Variants in SHROOM1 observed in about 807,000 individuals in gnomAD.
SHROOM1 encodes protein Shroom1.
Under a neutral mutation model 64.2 loss-of-function variants are expected in SHROOM1, and 53 were observed. The observed-to-expected ratio is 0.83, with a 90% CI of 0.66 to 1.04. The LOEUF is 1.04. Among genes scored for constraint, SHROOM1 ranks in the 50% least tolerant of loss-of-function variants. The probability of loss-of-function intolerance (pLI) is 0.00; values close to 1 mark genes in which losing one functional copy is unlikely to be tolerated. For synonymous variants in SHROOM1, 490 were observed against 518.9 expected (o/e 0.94, Z 0.76); for missense variants, 1,179 against 1,163.2 (o/e 1.01, Z -0.20).
chr5:132,825,650 C>G lies in SHROOM1; in HGVS notation c.491G>C (p.Arg164Pro). 7.4e-7 allele frequency: 1 copy of G among 1,353,436 alleles called. No individual in the cohort carries two copies. The highest frequency in any genetic ancestry group is 9.4e-7 in the Non-Finnish European group (1 of 1,060,596). 83.8% of individuals were successfully genotyped at this position (1,353,436 alleles called of 1,614,324 possible). Residue 164 changes from arginine (R) to proline (P), a missense_variant, in exon 4 of 10, where the codon CGC (arginine) becomes CCC (proline). Physicochemically the swap from Arg to Pro is moderately radical, Grantham distance 103. Transcript: ENST00000378679. The surrounding 1 kb of genome is among the most constrained non-coding windows in gnomAD (Gnocchi z 5.1). The stretch of plus-strand genomic sequence containing the variant: ...CCGCAGACGGGCGGGCAGGCTCATG[C>G]GGAGCTCCTTGCGCTGGAACGACGT... ...RETSFQRKEL[R>P]MSLPARLRPT...
In SHROOM1 at chr5:132,825,671, G is replaced by A. The variant is rs1003202176; in HGVS notation, c.470C>T (p.Ser157Leu). The A allele has an allele frequency of 6.6e-6, 9 of 1,357,398 alleles. No homozygotes were observed. The highest frequency in any genetic ancestry group is 5.3e-4 in the Middle Eastern group (2 of 3,794). 84.1% of individuals were successfully genotyped at this position (1,357,398 alleles called of 1,614,324 possible). Residue 157 changes from serine (S) to leucine (L), a missense_variant, in exon 4 of 10, where the codon TCG becomes TTG. By Grantham distance (145) the Ser-to-Leu change is moderately radical (BLOSUM62 -2). Coordinates refer to ENST00000378679, the MANE Select transcript of SHROOM1 (RefSeq NM_001172700.2). This position sits in a 1 kb window ranked among gnomAD's most constrained non-coding sequence, Gnocchi z 5.1. ...GAQRRVLRET[S>L]FQRKELRMSL... ...CATGCGGAGCTCCTTGCGCTGGAAC[G>A]ACGTCTCCCGGAGCACTCGCCGCTG...
intron 1 of SHROOM1, among the ~76,000 whole-genome samples, chr5:132,829,253 T>C (rs957446814): frequency 6.6e-6 from 1 of 152,062 alleles, no homozygotes; most frequent in Admixed American, 6.5e-5. Flanking sequence ...GAGACGAAGA[T>C]GAGATTGGCC....
Position 132,822,634 on chromosome 5 carries a change from A to G in SHROOM1, c.*162T>C. The G allele has an allele frequency of 1.3e-6, 1 of 777,126 alleles. No individual in the cohort carries two copies. Among genetic ancestry groups the G allele is most frequent in the South Asian group, 1.9e-5 (1 of 52,986 alleles). The allele number at this position is 777,126 out of a possible 1,614,324, so 48.1% of individuals were successfully genotyped here. On this transcript the variant is annotated 3_prime_UTR_variant, in exon 10 of 10. Coordinates refer to ENST00000378679, the MANE Select transcript of SHROOM1 (RefSeq NM_001172700.2). ...CGCCTCGGCCTCCCAAAGTGCTGGGATTACAGGCGTGAGCCACCGCGCCCG... is the reference window on the plus strand; with the variant it reads ...CGCCTCGGCCTCCCAAAGTGCTGGGGTTACAGGCGTGAGCCACCGCGCCCG...
intron 6 of SHROOM1, 74 bp downstream of exon 6, chr5:132,824,541 C>T: frequency 6.5e-7 from 1 of 1,535,346 alleles, no homozygotes; most frequent in Non-Finnish European, 8.8e-7. Context: ...GGAGAGCATT[C>T]CCACCCCTCT....
At position 132,826,125 on chromosome 5, in the gene SHROOM1, G is replaced by A. The variant is rs767480742; in HGVS notation, c.16C>T (p.Pro6Ser). ...GCCGGGGAGGCGCGGTCGCCCCCAGGTCCCAGGGCCTCCATGGCTGCGCAG... is the reference window on the plus strand; with the variant it reads ...GCCGGGGAGGCGCGGTCGCCCCCAGATCCCAGGGCCTCCATGGCTGCGCAG... MEALG[P>S]GGDRASPASS... is the part of the protein sequence containing the mutation. Residue 6 changes from proline (P) to serine (S), a missense_variant, in exon 4 of 10, where the codon CCT (proline) becomes TCT (serine). Transcript: ENST00000378679. The A allele has an allele frequency of 2.8e-5, 38 of 1,380,356 alleles. No individual in the cohort carries two copies. Among genetic ancestry groups the A allele is most frequent in the African/African-American group, 2.1e-4 (14 of 67,048 alleles). The allele number at this position is 1,380,356 out of a possible 1,614,324, so 85.5% of individuals were successfully genotyped here.
rs1212556449 is a variant in SHROOM1 at position 132,825,393 on chromosome 5, A to G, written c.748T>C (p.Ser250Pro). ...AAGGGCTCGGGCCCAGGGAGGCCAG[A>G]GCTGGAGCAGGCCTCACCCAGGCAT... ...RECLGEACSS[S>P]GLPGPEPLEF... Residue 250 changes from serine (S) to proline (P), a missense_variant, in exon 4 of 10, where the codon TCT becomes CCT. Ser to Pro is a moderately conservative substitution (Grantham distance 74, BLOSUM62 -1). Transcript: ENST00000378679. This position sits in a 1 kb window ranked among gnomAD's most constrained non-coding sequence, Gnocchi z 5.1. The G allele has an allele frequency of 1.3e-6, 2 of 1,596,704 alleles. No homozygotes were observed. Among genetic ancestry groups the G allele is most frequent in the Non-Finnish European group, 8.5e-7 (1 of 1,178,632 alleles).
intron 1 of SHROOM1, chr5:132,829,587 G>C: frequency 1.0e-6 from 1 of 985,440 alleles, no homozygotes; most frequent in Non-Finnish European, 1.2e-6. Flanking sequence ...CGAATGATCA[G>C]GATTTACATC....
intron 1 of SHROOM1, chr5:132,829,619 C>G (rs193047419): frequency 1.5e-4 from 147 of 985,466 alleles, no homozygotes; most frequent in South Asian, 2.3e-4. Flanking sequence ...AAGGCCACCT[C>G]ACATCTGACC....
Position 132,823,456 on chromosome 5 carries a change from C to G in SHROOM1, c.2020G>C (p.Gly674Arg), listed in dbSNP as rs1158211141. Residue 674 changes from glycine to arginine, a missense_variant, in exon 9 of 10, where the codon GGG (glycine) becomes CGG (arginine). By Grantham distance (125) the Gly-to-Arg change is moderately radical. Coordinates refer to ENST00000378679, the MANE Select transcript of SHROOM1 (RefSeq NM_001172700.2). This position sits in a 1 kb window ranked among gnomAD's most constrained non-coding sequence, Gnocchi z 4.6. ...DLHTEQERLQ[G>R]EAQAWARRQA... ...CGCCTGGCCCACGCTTGTGCCTCCCCCTGCAGCCGCTCCTGCTCCGTGTGA... is the reference window on the plus strand; with the variant it reads ...CGCCTGGCCCACGCTTGTGCCTCCCGCTGCAGCCGCTCCTGCTCCGTGTGA... The G allele has an allele frequency of 6.2e-7, 1 of 1,612,552 alleles. No homozygotes were observed.
chr5:132,826,365 T>C lies in SHROOM1; in HGVS notation c.-131A>G. On this transcript the variant is annotated 5_prime_UTR_variant, in exon 3 of 10. Coordinates refer to ENST00000378679, the MANE Select transcript of SHROOM1 (RefSeq NM_001172700.2). ...TTGGGATCAGAGGTGGCAGAGGAAG[T>C]AGGACCAGTCCCAGGGAGCACCTCT... 1 of 1,027,176 alleles carries C rather than the reference T, an allele frequency of 9.7e-7. No homozygotes were observed. Among genetic ancestry groups the C allele is most frequent in the Non-Finnish European group, 1.2e-6 (1 of 800,224 alleles). 63.6% of individuals were successfully genotyped at this position (1,027,176 alleles called of 1,614,324 possible).
intron 1 of SHROOM1, among the ~76,000 whole-genome samples, chr5:132,827,917 G>A (rs891525329): frequency 6.6e-6 from 1 of 152,160 alleles, no homozygotes; most frequent in African/African-American, 2.4e-5. Context: ...TTCTGGTCCT[G>A]GGAGGGGGAT....
chr5:132,824,400 G>T lies in SHROOM1; in HGVS notation c.1261C>A (p.Pro421Thr). Residue 421 changes from proline to threonine, a missense_variant, in exon 7 of 10, where the codon CCG becomes ACG. Transcript: ENST00000378679. ...CTTTGGCCTAAGCCAGTTCCATACG[G>T]CTGGTCAGAGGCATGGACACTGGAA... The part of the protein sequence containing the change: ...PPASVHASDQ[P>T]YGTGLGQRTG... The T allele has an allele frequency of 6.4e-7, 1 of 1,553,588 alleles. No homozygotes were observed. Among genetic ancestry groups the T allele is most frequent in the Non-Finnish European group, 8.7e-7 (1 of 1,151,138 alleles).
rs1219578630 is a variant in SHROOM1 at position 132,825,764 on chromosome 5, G to A, written c.377C>T (p.Ala126Val). The A allele has an allele frequency of 6.4e-6, 8 of 1,242,922 alleles. No individual in the cohort carries two copies. The African/African-American group carries it at 7.8e-5, about 12-fold the overall frequency. 77.0% of individuals were successfully genotyped at this position (1,242,922 alleles called of 1,614,324 possible). Reference sequence around the variant, plus strand: ...CGGGCTGGGCGGCTCGGCAGCCTGCGCCGCGGCCTCCGCCTCGGCCGCCAG... The same window carrying A: ...CGGGCTGGGCGGCTCGGCAGCCTGCACCGCGGCCTCCGCCTCGGCCGCCAG... ...YALAAEAEAA[A>V]QAAEPPSPPA... The change falls in exon 4 of 10, where the codon GCG (alanine) becomes GTG (valine). Residue 126 changes from alanine (A) to valine (V), a missense_variant. Physicochemically the swap from Ala to Val is moderately conservative, Grantham distance 64. Transcript: ENST00000378679. This position sits in a 1 kb window ranked among gnomAD's most constrained non-coding sequence, Gnocchi z 5.1.
chr5:132,829,275 G>A (rs1365060375), intron 1 of SHROOM1, among the ~76,000 whole-genome samples: 2 of 152,214 alleles, frequency 1.3e-5, no homozygotes, highest in Admixed American at 6.5e-5. Flanking sequence ...TCAAAGCTAG[G>A]GGTCTGGCAG....
At position 132,825,115 on chromosome 5, in the gene SHROOM1, GT is replaced by G. The variant is rs1377216878; in HGVS notation, c.979-43del. The G allele has an allele frequency of 6.2e-7, 1 of 1,614,064 alleles. No homozygotes were observed. The highest frequency in any genetic ancestry group is 1.7e-5 in the Admixed American group (1 of 60,008). On this transcript the variant is annotated intron_variant, in intron 4 of 9. Coordinates refer to ENST00000378679, the MANE Select transcript of SHROOM1 (RefSeq NM_001172700.2). The surrounding 1 kb of genome is among the most constrained non-coding windows in gnomAD (Gnocchi z 5.1). ...TCGACTGAAATGTGGCTCAAGTTTT[GT>G]TTCCCAGATGCTCCCCTCACCAGCC... is the stretch of plus-strand genomic sequence containing the variant.
In SHROOM1 at chr5:132,825,406, C is replaced by G. The variant is rs762752476; in HGVS notation, c.735G>C (p.Glu245Asp). ...GGGPARECLG[E>D]ACSSSGLPGP... The stretch of plus-strand genomic sequence containing the variant: ...CAGGGAGGCCAGAGCTGGAGCAGGC[C>G]TCACCCAGGCATTCCCGCGCCGGCC... Residue 245 changes from glutamate (E) to aspartate (D), a missense_variant, in exon 4 of 10, where the codon GAG becomes GAC. Coordinates refer to ENST00000378679, the MANE Select transcript of SHROOM1 (RefSeq NM_001172700.2). The surrounding 1 kb of genome is among the most constrained non-coding windows in gnomAD (Gnocchi z 5.1). 2 of 1,594,958 alleles carry G rather than the reference C, an allele frequency of 1.3e-6. No individual in the cohort carries two copies. The highest frequency in any genetic ancestry group is 2.2e-5 in the South Asian group (2 of 90,448).
At chr5:132,827,067 G>C (rs748859847) in intron 2 of SHROOM1, among the ~76,000 whole-genome samples, 1 of 152,160 alleles carries the variant, frequency 6.6e-6, no homozygotes, top group Admixed American at 6.5e-5. Context: ...TCTGCCTTTC[G>C]TCTAGGAATG....
In SHROOM1 at chr5:132,830,638, C is replaced by G; in HGVS notation, c.-545G>C. 1.0e-6 allele frequency: 1 copy of G among 985,280 alleles called. No homozygotes were observed. Among genetic ancestry groups the G allele is most frequent in the Non-Finnish European group, 1.2e-6 (1 of 829,848 alleles). 61.0% of individuals were successfully genotyped at this position (985,280 alleles called of 1,614,324 possible). A position where few individuals can be genotyped will look rare whatever the true frequency, so the allele number is the denominator to read the frequency against. Reference sequence around the variant, plus strand: ...GCGCTCCTGGGCCGTCGCAGCCGCGCGGTGACATCAGAGCCCCGGGCTCTG... The same window carrying G: ...GCGCTCCTGGGCCGTCGCAGCCGCGGGGTGACATCAGAGCCCCGGGCTCTG... On this transcript the variant is annotated 5_prime_UTR_variant, in exon 1 of 10. Coordinates refer to ENST00000378679, the MANE Select transcript of SHROOM1 (RefSeq NM_001172700.2). This position sits in a 1 kb window ranked among gnomAD's most constrained non-coding sequence, Gnocchi z 5.9.
chr5:132,828,000 T>C (rs1311308749), intron 1 of SHROOM1, among the ~76,000 whole-genome samples: 1 of 152,006 alleles, frequency 6.6e-6, no homozygotes, highest in Non-Finnish European at 1.5e-5. Flanking sequence ...AGGGCAGTGT[T>C]GAGGTTTGGG....
Sources: gnomAD v4.1 joint callset for allele counts (sites outside exome capture counted in the v4.1 genomes callset) on GRCh38, gnomAD v4.1.1 for gene constraint, Gnocchi (gnomAD v3.1) non-coding constraint, MANE v1.5 for transcripts, NCBI Gene and HGNC (gene_info 2026-07-23, HGNC 2026-07-21) for gene names.